The following GALNTL6 variants were observed in gnomAD, a reference collection of about 807,000 sequenced individuals.
GALNTL6 encodes polypeptide N-acetylgalactosaminyltransferase like 6, also known as polypeptide N-acetylgalactosaminyltransferase-like 6.
GALNTL6 carries 46 observed loss-of-function variants against 73.7 expected under a neutral mutation model. That is an observed-to-expected ratio of 0.62 (90% CI 0.49 to 0.80). The LOEUF is 0.80. Ranked by LOEUF, GALNTL6 falls within the 30% of genes least tolerant of loss-of-function variation. The probability of loss-of-function intolerance (pLI) is 0.00; values close to 1 mark genes in which losing one functional copy is unlikely to be tolerated. For synonymous variants in GALNTL6, 259 were observed against 263.7 expected (o/e 0.98, Z 0.17); for missense variants, 604 against 755.0 (o/e 0.80, Z 2.34).
At chr4:172,436,357 C>G (rs1731635052) in intron 5 of GALNTL6, among the ~76,000 whole-genome samples, 1 of 151,864 alleles carries the variant, frequency 6.6e-6, no homozygotes, top group Non-Finnish European at 1.5e-5. Context: ...CCATTCAGTC[C>G]AAGAAGTAAT....
rs370523091 is a variant in GALNTL6 at position 172,537,614 on chromosome 4, C to T, written c.553+188925C>T. On this transcript the variant is annotated intron_variant, in intron 5 of 12. Transcript: ENST00000506823. ...GTCCTTATAGCAGCATGAGAACAGACTAATACAATTAGTGATATATTGTGT... is the reference window on the plus strand; with the variant it reads ...GTCCTTATAGCAGCATGAGAACAGATTAATACAATTAGTGATATATTGTGT... 1.8e-3 allele frequency among the ~76,000 whole-genome samples: 277 copies of T among 152,080 alleles called. 4 individuals are homozygous for T. Among genetic ancestry groups the T allele is most frequent in the South Asian group, 0.012 (57 of 4,820 alleles).
At chr4:172,631,844 C>T (rs1739409633) in intron 5 of GALNTL6, among the ~76,000 whole-genome samples, 1 of 152,166 alleles carries the variant, frequency 6.6e-6, no homozygotes, top group Admixed American at 6.5e-5. Context: ...TTGAAAATAT[C>T]ACACTGATAA....
chr4:172,381,114 A>C (rs1202305754), intron 5 of GALNTL6, among the ~76,000 whole-genome samples: 3 of 152,224 alleles, frequency 2.0e-5, no homozygotes, highest in Non-Finnish European at 4.4e-5. Flanking sequence ...TAAACCTTTA[A>C]AAATTCCTGT....
chr4:172,020,641 C>T (rs1741369402), intron 2 of GALNTL6, among the ~76,000 whole-genome samples: 1 of 151,562 alleles, frequency 6.6e-6, no homozygotes, highest in African/African-American at 2.4e-5. Flanking sequence ...AGATCAATAA[C>T]AAGTGACAAG....
intron 2 of GALNTL6, among the ~76,000 whole-genome samples, chr4:171,961,581 G>T (rs1479085414): frequency 6.6e-6 from 1 of 152,130 alleles, no homozygotes; most frequent in Non-Finnish European, 1.5e-5. Flanking sequence ...TCAGTCTTAT[G>T]ATTTGTTTTT....
chr4:172,382,893 A>G (rs1743335805), intron 5 of GALNTL6, among the ~76,000 whole-genome samples: 1 of 124,334 alleles, frequency 8.0e-6, no homozygotes, highest in African/African-American at 2.5e-5. Context: ...CACAATTTTT[A>G]AAGGACTGTT....
At chr4:172,215,974 C>G (rs1469802179) in intron 2 of GALNTL6, among the ~76,000 whole-genome samples, 2 of 152,126 alleles carry the variant, frequency 1.3e-5, no homozygotes, top group African/African-American at 4.8e-5. Flanking sequence ...TTCTTTCCTC[C>G]AGTCCCTTGG....
intron 8 of GALNTL6, among the ~76,000 whole-genome samples, chr4:172,916,086 T>C (rs1747491327): frequency 6.6e-6 from 1 of 152,176 alleles, no homozygotes; most frequent in South Asian, 2.1e-4. Flanking sequence ...GAAAGGCTGG[T>C]TCAACATATG....
intron 10 of GALNTL6, among the ~76,000 whole-genome samples, chr4:173,003,259 C>A (rs1752125279): frequency 6.6e-6 from 1 of 152,014 alleles, no homozygotes; most frequent in Non-Finnish European, 1.5e-5. Flanking sequence ...AGAAATTGTT[C>A]ATTCATTGAG....
chr4:172,647,468 T>C (rs1480823390), intron 5 of GALNTL6, among the ~76,000 whole-genome samples: 1 of 152,080 alleles, frequency 6.6e-6, no homozygotes, highest in Non-Finnish European at 1.5e-5. Context: ...TAAAGGTACA[T>C]AAACCTTTCT....
At position 172,447,676 on chromosome 4, in the gene GALNTL6, C is replaced by T. The variant is rs190923793; in HGVS notation, c.553+98987C>T. Among the ~76,000 whole-genome samples, 154 of 152,242 alleles carry T rather than the reference C, an allele frequency of 1.0e-3. 1 individual carries two copies. In the Middle Eastern group the frequency reaches 0.014, roughly 13 times the overall value. ...GTTCAGTGAAAATGGCCCTATACAT[C>T]GTACTGTCTTGAGTTCAGAAAGTCT... On this transcript the variant is annotated intron_variant, in intron 5 of 12. Coordinates refer to ENST00000506823, the MANE Select transcript of GALNTL6 (RefSeq NM_001034845.3).
chr4:172,294,599 G>A (rs1215161099), intron 3 of GALNTL6, among the ~76,000 whole-genome samples: 4 of 151,932 alleles, frequency 2.6e-5, no homozygotes, highest in Non-Finnish European at 4.4e-5. Context: ...CAGAAATTCT[G>A]TAGTACATAA....
intron 2 of GALNTL6, among the ~76,000 whole-genome samples, chr4:171,970,882 A>G (rs1739550643): frequency 6.6e-6 from 1 of 152,260 alleles, no homozygotes; most frequent in South Asian, 2.1e-4. Context: ...TAAGAAATAA[A>G]TCACTACTGA....
intron 10 of GALNTL6, among the ~76,000 whole-genome samples, chr4:173,008,253 C>T (rs1257276634): frequency 6.6e-6 from 1 of 152,184 alleles, no homozygotes; most frequent in African/African-American, 2.4e-5. Context: ...TTGGATCTCT[C>T]TCCCGCTAGC....
At chr4:172,957,489 G>A (rs1749805487) in intron 10 of GALNTL6, among the ~76,000 whole-genome samples, 1 of 152,164 alleles carries the variant, frequency 6.6e-6, no homozygotes, top group Non-Finnish European at 1.5e-5. Context: ...CTGAAAGTGA[G>A]GAATAGAAGT....
Position 172,200,160 on chromosome 4 carries a change from A to AGT in GALNTL6, c.139-29495_139-29494dup, listed in dbSNP as rs570289744. On this transcript the variant is annotated intron_variant, in intron 2 of 12. Coordinates refer to ENST00000506823, the MANE Select transcript of GALNTL6 (RefSeq NM_001034845.3). ...TGTCAGTTCAATGTATTCTAGATGCAGTATAGGTTTAATGGAAAGTCTGCT... is the reference window on the plus strand; with the variant it reads ...TGTCAGTTCAATGTATTCTAGATGCAGTGTATAGGTTTAATGGAAAGTCTGCT... Among the ~76,000 whole-genome samples the AGT allele has an allele frequency of 4.1e-3, 632 of 152,322 alleles. 3 individuals carry two copies. Among genetic ancestry groups the AGT allele is most frequent in the African/African-American group, 0.014 (590 of 41,572 alleles).
At chr4:172,522,541 A>C (rs1026247375) in intron 5 of GALNTL6, among the ~76,000 whole-genome samples, 1 of 152,006 alleles carries the variant, frequency 6.6e-6, no homozygotes, top group African/African-American at 2.4e-5. Flanking sequence ...GTGGTGGCAG[A>C]TGCCTGTAAT....
intron 5 of GALNTL6, among the ~76,000 whole-genome samples, chr4:172,751,043 C>T (rs1238175836): frequency 1.3e-5 from 2 of 151,902 alleles, no homozygotes; most frequent in Non-Finnish European, 1.5e-5. Context: ...CTGAAACTAC[C>T]CAGTTCTTTC....
intron 5 of GALNTL6, among the ~76,000 whole-genome samples, chr4:172,745,543 A>G (rs985300087): frequency 3.3e-5 from 5 of 152,056 alleles, no homozygotes; most frequent in African/African-American, 7.2e-5. Context: ...AATTGGAGGT[A>G]AACTACTGTG....
Sources: allele counts gnomAD v4.1 joint callset (sites outside exome capture counted in the v4.1 genomes callset), GRCh38; gene constraint gnomAD v4.1.1; transcripts MANE v1.5; gene names NCBI Gene and HGNC (gene_info 2026-07-23, HGNC 2026-07-21).